Variants in PLEKHG4 observed in about 807,000 individuals in gnomAD.
The protein encoded by PLEKHG4 is pleckstrin homology and RhoGEF domain containing G4, also known as puratrophin-1.
A neutral mutation model predicts 136.9 loss-of-function variants in PLEKHG4; 85 were observed. That is an observed-to-expected ratio of 0.62 (90% CI 0.52 to 0.74). The LOEUF is 0.74. Ranked by LOEUF, PLEKHG4 falls within the 30% of genes least tolerant of loss-of-function variation. PLEKHG4 has a pLI of 0.00. For missense variants in PLEKHG4, 1,317 were observed against 1,527.8 expected (o/e 0.86, Z 2.30); for synonymous variants, 577 against 646.9 (o/e 0.89, Z 1.64).
intron 1 of PLEKHG4, 110 bp from the exon 2 acceptor site, chr16:67,279,766 A>C (rs2036125274): frequency 2.4e-6 from 1 of 425,272 alleles, no homozygotes; most frequent in Non-Finnish European, 4.3e-6. Context: ...GGGCCTGCAG[A>C]GCGTGGCCGT....
At chr16:67,283,047 C>A (rs1358640172) in intron 11 of PLEKHG4, among the ~76,000 whole-genome samples, 189 bp downstream of exon 11, 2 of 152,084 alleles carry the variant, frequency 1.3e-5, no homozygotes, top group Non-Finnish European at 2.9e-5. Context: ...TGGAGAGAAT[C>A]AGTGCAGGTG....
rs563766582 is a variant in PLEKHG4, at chr16:67,282,530, A to G, written c.1281A>G (p.Leu427=). ...CGGCAATGGACAAGGCTGACGAGCTATATGACCGGGTGGATGGATTGCTGC... is the reference window on the plus strand; with the variant it reads ...CGGCAATGGACAAGGCTGACGAGCTGTATGACCGGGTGGATGGATTGCTGC... ...YRTAMDKADE[L]YDRVDGLLHQ... is the part of the protein sequence containing the mutation. Residue 427 remains leucine, a synonymous_variant, in exon 10 of 22, where the codon CTA becomes CTG. Transcript: ENST00000379344. 3.1e-6 allele frequency: 5 copies of G among 1,614,148 alleles called. No individual in the cohort carries two copies. The highest frequency in any genetic ancestry group is 4.2e-6 in the Non-Finnish European group (5 of 1,180,040).
At chr16:67,283,195 C>A (rs1415441673) in intron 11 of PLEKHG4, among the ~76,000 whole-genome samples, 1 of 151,946 alleles carries the variant, frequency 6.6e-6, no homozygotes, top group Non-Finnish European at 1.5e-5. Context: ...GGGGCACATT[C>A]CAGGCTTGGA....
intron 9 of PLEKHG4, 54 bp from the exon 10 acceptor site, chr16:67,282,449 G>A: frequency 1.9e-6 from 3 of 1,613,682 alleles, no homozygotes; most frequent in South Asian, 1.1e-5. Context: ...GTGGTGCCAG[G>A]ACAGGGTGGA....
Position 67,281,604 on chromosome 16 carries a change from T to G in PLEKHG4, c.851T>G (p.Val284Gly), listed in dbSNP as rs1229169703. ...GGGGCCGTGTACCAGGTGCTGCTAG[T>G]GGGAAGCACGCTGCTGAAGGAAGTG... ...APGAVYQVLL[V>G]GSTLLKEVPS... is the part of the protein sequence containing the mutation. The change falls in exon 6 of 22, where the codon GTG (valine) becomes GGG (glycine). Residue 284 changes from valine to glycine, a missense_variant. Coordinates refer to ENST00000379344, the MANE Select transcript of PLEKHG4 (RefSeq NM_001129729.3). The G allele has an allele frequency of 1.9e-6, 3 of 1,613,934 alleles. No homozygotes were observed. The highest frequency in any genetic ancestry group is 2.5e-6 in the Non-Finnish European group (3 of 1,179,950).
chr16:67,288,019 C>CAG lies in PLEKHG4; in HGVS notation c.3220+6_3220+7dup. The CAG allele has an allele frequency of 6.2e-7, 1 of 1,600,310 alleles. No homozygotes were observed. The highest frequency in any genetic ancestry group is 8.6e-7 in the Non-Finnish European group (1 of 1,167,444). On this transcript the variant is annotated splice_donor_region_variant and intron_variant, in intron 19 of 21. Transcript: ENST00000379344. ...ACTATGTCCTGAAGTGCCGAGGTAG[C>CAG]AGGCAGGCTACAGGGTGTGGGGGTG...
rs770143135 is a variant in PLEKHG4, at chr16:67,285,484, T to C, written c.2390T>C (p.Leu797Pro). The C allele has an allele frequency of 1.9e-6, 3 of 1,613,352 alleles. No individual in the cohort carries two copies. The Admixed American group carries it at 5.0e-5, about 27-fold the overall frequency. The change falls in exon 14 of 22, where the codon CTG becomes CCG. Residue 797 changes from leucine (L) to proline (P), a missense_variant. Leu to Pro is a moderately conservative substitution (Grantham distance 98). Coordinates refer to ENST00000379344, the MANE Select transcript of PLEKHG4 (RefSeq NM_001129729.3). ...CACTGCCACTTCTTCCTGCGTGAGC[T>C]GGAGGCTTGCACCCGGCACCCACCA... The part of the protein sequence containing the change: ...DFHCHFFLRE[L>P]EACTRHPPRV...
chr16:67,282,308 GAAGC>G lies in PLEKHG4; in HGVS notation c.1216_1219del (p.Gln406ArgfsTer5). On this transcript the variant is annotated frameshift_variant, in exon 9 of 22. Transcript: ENST00000379344. LOFTEE classifies it high-confidence loss of function. ...AGGGGGGCCGGGAGCTGACATGGCT[GAAGC>G]AAGAGGTCCCAGAGGTGACCCTGAG... 1 of 1,613,100 alleles carries G rather than the reference GAAGC, an allele frequency of 6.2e-7. No individual in the cohort carries two copies. Among genetic ancestry groups the G allele is most frequent in the Non-Finnish European group, 8.5e-7 (1 of 1,179,962 alleles).
In PLEKHG4 at chr16:67,288,837, G is replaced by C; in HGVS notation, c.*29G>C. ...CGGGACTGGACGAGCAGTAGATCCAGCAGCCTGCAGCTCCAAGGAACATTG... is the reference window on the plus strand; with the variant it reads ...CGGGACTGGACGAGCAGTAGATCCACCAGCCTGCAGCTCCAAGGAACATTG... On this transcript the variant is annotated 3_prime_UTR_variant, in exon 22 of 22. Transcript: ENST00000379344. The C allele has an allele frequency of 6.2e-7, 1 of 1,612,302 alleles. No homozygotes were observed. The highest frequency in any genetic ancestry group is 8.5e-7 in the Non-Finnish European group (1 of 1,179,156).
At chr16:67,279,460 G>A (rs1327385872), upstream of PLEKHG4, 3 of 151,814 alleles carry the variant, frequency 2.0e-5, no homozygotes, top group African/African-American at 7.2e-5. Context: ...CGGCCTCCAG[G>A]GGGCGGCGCG....
rs1453849806 is a variant in PLEKHG4 at position 67,281,091 on chromosome 16, G to T, written c.720G>T (p.Arg240Ser). The change falls in exon 5 of 22, where the codon AGG becomes AGT. Residue 240 changes from arginine (R) to serine (S), a missense_variant and splice_region_variant. Coordinates refer to ENST00000379344, the MANE Select transcript of PLEKHG4 (RefSeq NM_001129729.3). ...ACTGAACTGAAGCTCACCCCTTTAGGCCCGAAGTACAGGCACTGGGACTGA... is the reference window on the plus strand; with the variant it reads ...ACTGAACTGAAGCTCACCCCTTTAGTCCCGAAGTACAGGCACTGGGACTGA... ...RLLLYLRSIP[R>S]PEVQALGLTV... 1 of 1,613,964 alleles carries T rather than the reference G, an allele frequency of 6.2e-7. No homozygotes were observed. The highest frequency in any genetic ancestry group is 1.3e-5 in the African/African-American group (1 of 74,890).
Position 67,284,728 on chromosome 16 carries a change from G to A in PLEKHG4, c.1708G>A (p.Glu570Lys). ...GGTGTTGCAGGCCTTGACGTGGGCT[G>A]AGGAGGGGCAGCGAGTGTTGGCAGA... ...QLFREALTWA[E>K]EGQRVLAELE... The change falls in exon 13 of 22, where the codon GAG becomes AAG. Residue 570 changes from glutamate to lysine, a missense_variant. By Grantham distance (56) the Glu-to-Lys change is moderately conservative (BLOSUM62 1). Transcript: ENST00000379344. The surrounding 1 kb of genome is among the most constrained non-coding windows in gnomAD (Gnocchi z 4.4). 6.2e-7 allele frequency: 1 copy of A among 1,613,868 alleles called. No individual in the cohort carries two copies. Among genetic ancestry groups the A allele is most frequent in the Non-Finnish European group, 8.5e-7 (1 of 1,179,964 alleles).
At position 67,280,824 on chromosome 16, in the gene PLEKHG4, G is replaced by C; in HGVS notation, c.595+18G>C. Reference sequence around the variant, plus strand: ...CTTGCCAGGTAGCCAGGCGGGCCTAGAGGCGGTGGAGGTGGAGTGGCCCAA... The same window carrying C: ...CTTGCCAGGTAGCCAGGCGGGCCTACAGGCGGTGGAGGTGGAGTGGCCCAA... On this transcript the variant is annotated intron_variant, in intron 3 of 21. Transcript: ENST00000379344. This position sits in a 1 kb window ranked among gnomAD's most constrained non-coding sequence, Gnocchi z 4.4. 6.2e-7 allele frequency: 1 copy of C among 1,613,888 alleles called. No individual in the cohort carries two copies. The highest frequency in any genetic ancestry group is 8.5e-7 in the Non-Finnish European group (1 of 1,180,028).
In PLEKHG4 at chr16:67,284,667, C is replaced by T; in HGVS notation, c.1693-46C>T. 2.5e-6 allele frequency: 4 copies of T among 1,607,040 alleles called. No homozygotes were observed. The highest frequency in any genetic ancestry group is 3.4e-6 in the Non-Finnish European group (4 of 1,177,602). On this transcript the variant is annotated intron_variant, in intron 12 of 21. Transcript: ENST00000379344. This position sits in a 1 kb window ranked among gnomAD's most constrained non-coding sequence, Gnocchi z 4.4. ...GTAGAGGAGCAGAGTGCCCAGCAGG[C>T]TTGGCAGGATCTTCCTCTAATGCTT...
Position 67,284,254 on chromosome 16 carries a change from G to A in PLEKHG4, c.1510-21G>A, listed in dbSNP as rs751164626. ...AGACCGCCAGGCCTGGGCTGGCTGA[G>A]CCTAGTCTCTGTCTCTGCAGGAGCA... On this transcript the variant is annotated intron_variant, in intron 11 of 21. Transcript: ENST00000379344. The surrounding 1 kb of genome is among the most constrained non-coding windows in gnomAD (Gnocchi z 4.4). The A allele has an allele frequency of 2.5e-6, 4 of 1,611,970 alleles. No homozygotes were observed. The highest frequency in any genetic ancestry group is 3.4e-6 in the Non-Finnish European group (4 of 1,178,874).
Position 67,284,825 on chromosome 16 carries a change from C to T in PLEKHG4, c.1805C>T (p.Pro602Leu), listed in dbSNP as rs771187159. 3.1e-6 allele frequency: 5 copies of T among 1,613,472 alleles called. No individual in the cohort carries two copies. In the South Asian group the frequency reaches 4.4e-5, roughly 14 times the overall value. The change falls in exon 13 of 22, where the codon CCT (proline) becomes CTT (leucine). Residue 602 changes from proline (P) to leucine (L), a missense_variant. Physicochemically the swap from Pro to Leu is moderately conservative, Grantham distance 98. Transcript: ENST00000379344. This position sits in a 1 kb window ranked among gnomAD's most constrained non-coding sequence, Gnocchi z 4.4. ...CACTGGACCAGGCACCCTGACTTGC[C>T]TCCTGCCCACTTCCGAAAGATGTGG... ...QLHWTRHPDL[P>L]PAHFRKMWAL...
rs755291446 is a variant in PLEKHG4, at chr16:67,282,768, C to G, written c.1419C>G (p.Gly473=). ...HQIEVWLQQV[G]WPALEEAGEP... is the part of the protein sequence containing the mutation. ...TTGAAGTGTGGCTGCAGCAGGTGGGCTGGCCAGCACTGGAGGAGGCTGGGG... is the reference window on the plus strand; with the variant it reads ...TTGAAGTGTGGCTGCAGCAGGTGGGGTGGCCAGCACTGGAGGAGGCTGGGG... Residue 473 remains glycine (G), a synonymous_variant, in exon 11 of 22, where the codon GGC becomes GGG. Coordinates refer to ENST00000379344, the MANE Select transcript of PLEKHG4 (RefSeq NM_001129729.3). 2 of 1,613,458 alleles carry G rather than the reference C, an allele frequency of 1.2e-6. No individual in the cohort carries two copies. The highest frequency in any genetic ancestry group is 2.2e-5 in the South Asian group (2 of 91,078).
At position 67,287,630 on chromosome 16, in the gene PLEKHG4, C is replaced by T. The variant is rs2036536420; in HGVS notation, c.3104-268C>T. On this transcript the variant is annotated intron_variant, in intron 18 of 21. Transcript: ENST00000379344. ...CTGGTCTTGAACTCCTGGGCTCAAACAATCCTCCTACCTCGGCCTCCCAAA... is the reference window on the plus strand; with the variant it reads ...CTGGTCTTGAACTCCTGGGCTCAAATAATCCTCCTACCTCGGCCTCCCAAA... 4 of 547,482 alleles carry T rather than the reference C, an allele frequency of 7.3e-6. No individual in the cohort carries two copies. In the East Asian group the frequency reaches 1.3e-4, roughly 18 times the overall value. 33.9% of individuals were successfully genotyped at this position (547,482 alleles called of 1,614,324 possible).
At position 67,289,468 on chromosome 16, in the gene PLEKHG4, A is replaced by G. The variant is rs549053116; in HGVS notation, c.*660A>G. 16 of 631,368 alleles carry G rather than the reference A, an allele frequency of 2.5e-5. No individual in the cohort carries two copies. In the African/African-American group the frequency reaches 3.0e-4, roughly 12 times the overall value. The allele number at this position is 631,368 out of a possible 1,614,324, so 39.1% of individuals were successfully genotyped here. A position where few individuals can be genotyped will look rare whatever the true frequency, so the allele number is the denominator to read the frequency against. ...CTTTTATTTGTTTATAATAAAAAAT[A>G]GACTGATATGTACCCTCTGATGGGC... On this transcript the variant is annotated 3_prime_UTR_variant, in exon 22 of 22. Coordinates refer to ENST00000379344, the MANE Select transcript of PLEKHG4 (RefSeq NM_001129729.3).
Sources: gnomAD v4.1 joint callset for allele counts (sites outside exome capture counted in the v4.1 genomes callset) on GRCh38, gnomAD v4.1.1 for gene constraint, Gnocchi (gnomAD v3.1) non-coding constraint, MANE v1.5 for transcripts, NCBI Gene and HGNC (gene_info 2026-07-23, HGNC 2026-07-21) for gene names.